MARCHF1: variants seen among roughly 807,000 people sequenced by gnomAD.
The protein encoded by MARCHF1 is membrane associated ring-CH-type finger 1.
MARCHF1 carries 40 observed loss-of-function variants against 54.2 expected under a neutral mutation model. The ratio of observed to expected loss-of-function variants is 0.74; its 90% CI spans 0.57 to 0.96. MARCHF1 has a LOEUF of 0.96. Among genes scored for constraint, MARCHF1 ranks in the 40% least tolerant of loss-of-function variants. The pLI, the probability that MARCHF1 is intolerant of heterozygous loss-of-function variation, is 0.00. For missense variants in MARCHF1, 586 were observed against 656.5 expected (o/e 0.89, Z 1.17); for synonymous variants, 236 against 236.3 (o/e 1.00, Z 0.01).
intron 1 of MARCHF1, among the ~76,000 whole-genome samples, chr4:164,219,798 T>C (rs1454105927): frequency 6.6e-6 from 1 of 152,156 alleles, no homozygotes; most frequent in East Asian, 1.9e-4. Context: ...ATGGGCAATA[T>C]GTCTTTTCAA....
intron 2 of MARCHF1, among the ~76,000 whole-genome samples, chr4:164,013,992 T>C (rs963047786): frequency 3.3e-5 from 5 of 151,738 alleles, no homozygotes; most frequent in African/African-American, 1.2e-4. Flanking sequence ...ATCAAAACCA[T>C]CCTGGTCAAA....
rs142022351 is a variant in MARCHF1 at position 164,186,392 on chromosome 4, A to G, written c.-322-74730T>C. Among the ~76,000 whole-genome samples the G allele has an allele frequency of 3.2e-4, 49 of 152,276 alleles. 2 individuals are homozygous for G. In the East Asian group the frequency reaches 8.5e-3, roughly 26 times the overall value. The stretch of plus-strand genomic sequence containing the variant: ...ATATCATTTAGCCATGCTCTATGTG[A>G]TTCTATTTTGTAAAAAATTGAGAAC... On this transcript the variant is annotated intron_variant, in intron 1 of 9. Coordinates refer to ENST00000514618, the MANE Select transcript of MARCHF1 (RefSeq NM_001394959.1).
chr4:164,325,333 T>TTTTA (rs375590729), intron 1 of MARCHF1, among the ~76,000 whole-genome samples: 1 of 138,460 alleles, frequency 7.2e-6, no homozygotes, highest in Non-Finnish European at 1.5e-5. Context: ...TAGACAGAAA[T>TTTTA]TATATATATA....
intron 7 of MARCHF1, among the ~76,000 whole-genome samples, chr4:163,590,220 T>C (rs1740544590): frequency 6.6e-6 from 1 of 151,508 alleles, no homozygotes; most frequent in East Asian, 1.9e-4. Flanking sequence ...AGAATCATAT[T>C]TTTTTCTTCA....
intron 2 of MARCHF1, among the ~76,000 whole-genome samples, chr4:163,993,937 ATTT>A (rs916176454): frequency 6.6e-5 from 10 of 152,140 alleles, no homozygotes; most frequent in Non-Finnish European, 1.5e-4. Context: ...TGGAATGAAA[ATTT>A]TATTTAAAAA....
chr4:163,692,382 T>C (rs1000121367), intron 5 of MARCHF1, among the ~76,000 whole-genome samples: 1 of 152,106 alleles, frequency 6.6e-6, no homozygotes, highest in African/African-American at 2.4e-5. Context: ...GGTATTTGAG[T>C]AGAAATGTAA....
chr4:163,892,736 T>G (rs995672049), intron 3 of MARCHF1, among the ~76,000 whole-genome samples: 1 of 152,130 alleles, frequency 6.6e-6, no homozygotes, highest in Non-Finnish European at 1.5e-5. Flanking sequence ...AAAAGCTATT[T>G]AAAAGGACAT....
In MARCHF1 at chr4:164,095,273, G is replaced by C. The variant is rs78265230; in HGVS notation, c.-248+16315C>G. ...AACTTCAGATAGTTACTTAACCTTA[G>C]TACCTCAGTTTACTCATTGGTAAAA... On this transcript the variant is annotated intron_variant, in intron 2 of 9. Coordinates refer to ENST00000514618, the MANE Select transcript of MARCHF1 (RefSeq NM_001394959.1). 4.0e-3 allele frequency among the ~76,000 whole-genome samples: 613 copies of C among 152,108 alleles called. 5 individuals carry two copies. Among genetic ancestry groups the C allele is most frequent in the African/African-American group, 0.014 (594 of 41,522 alleles).
chr4:163,763,166 C>T (rs1255509474), intron 4 of MARCHF1, among the ~76,000 whole-genome samples: 5 of 152,036 alleles, frequency 3.3e-5, no homozygotes, highest in Non-Finnish European at 7.4e-5. Context: ...ACAATTCATT[C>T]TATCCTTAAT....
At chr4:164,132,171 C>CT (rs1240080923) in intron 1 of MARCHF1, among the ~76,000 whole-genome samples, 1 of 152,110 alleles carries the variant, frequency 6.6e-6, no homozygotes, top group African/African-American at 2.4e-5. Context: ...TCTTTGCTCC[C>CT]TTTCTCCCTC....
At chr4:164,285,841 AG>A (rs1231064586) in intron 1 of MARCHF1, among the ~76,000 whole-genome samples, 3 of 143,822 alleles carry the variant, frequency 2.1e-5, no homozygotes, top group African/African-American at 2.7e-5. Flanking sequence ...AAAAAAAAAA[AG>A]GCCAAACTGA....
intron 1 of MARCHF1, among the ~76,000 whole-genome samples, chr4:164,166,334 C>G (rs1296926766): frequency 1.3e-5 from 2 of 151,936 alleles, no homozygotes; most frequent in Admixed American, 6.6e-5. Flanking sequence ...AAGTGTGAAG[C>G]TAGTTAAAGG....
intron 3 of MARCHF1, among the ~76,000 whole-genome samples, chr4:163,936,011 C>A (rs968657483): frequency 6.6e-6 from 1 of 152,072 alleles, no homozygotes; most frequent in African/African-American, 2.4e-5. Flanking sequence ...CACTTGAACA[C>A]TTAGTGGCTA....
At chr4:164,100,333 C>T (rs561488954) in intron 2 of MARCHF1, among the ~76,000 whole-genome samples, 6 of 152,326 alleles carry the variant, frequency 3.9e-5, no homozygotes, top group African/African-American at 1.2e-4. Context: ...TTGCTTTTGA[C>T]GGTATGTGGT....
At chr4:164,328,950 T>C (rs1015631233) in intron 1 of MARCHF1, among the ~76,000 whole-genome samples, 1 of 152,144 alleles carries the variant, frequency 6.6e-6, no homozygotes, top group African/African-American at 2.4e-5. Context: ...AGAATAAACT[T>C]TCAGTTAAGA....
chr4:164,294,668 T>C (rs1172768295), intron 1 of MARCHF1, among the ~76,000 whole-genome samples: 1 of 152,190 alleles, frequency 6.6e-6, no homozygotes, highest in Admixed American at 6.5e-5. Flanking sequence ...TTGCACATAT[T>C]ATACATCATA....
At chr4:164,182,506 T>G (rs531030106) in intron 1 of MARCHF1, among the ~76,000 whole-genome samples, 10 of 151,858 alleles carry the variant, frequency 6.6e-5, no homozygotes, top group Non-Finnish European at 1.2e-4. Context: ...GAATATCATC[T>G]CTCTCCTTCC....
chr4:164,206,452 A>G (rs1398324737), intron 1 of MARCHF1, among the ~76,000 whole-genome samples: 1 of 152,140 alleles, frequency 6.6e-6, no homozygotes, highest in Non-Finnish European at 1.5e-5. Context: ...AAATAAATAA[A>G]TTTTATTTCA....
intron 1 of MARCHF1, among the ~76,000 whole-genome samples, chr4:164,157,301 A>G (rs1468590901): frequency 6.6e-6 from 1 of 152,132 alleles, no homozygotes; most frequent in East Asian, 1.9e-4. Flanking sequence ...TGTTAAGATA[A>G]CTATATTAAC....
Sources: gnomAD v4.1 joint callset for allele counts (sites outside exome capture counted in the v4.1 genomes callset) on GRCh38, gnomAD v4.1.1 for gene constraint, MANE v1.5 for transcripts, NCBI Gene and HGNC (gene_info 2026-07-23, HGNC 2026-07-21) for gene names.